The following MACROD2 variants were observed in gnomAD, a reference collection of about 807,000 sequenced individuals.
The protein encoded by MACROD2 is ADP-ribose glycohydrolase MACROD2.
MACROD2 carries 36 observed loss-of-function variants against 70.4 expected under a neutral mutation model. The ratio of observed to expected loss-of-function variants is 0.51; its 90% confidence interval spans 0.39 to 0.68. MACROD2 has a LOEUF of 0.68. Among genes scored for constraint, MACROD2 ranks in the 30% least tolerant of loss-of-function variants. The pLI is 0.00. For missense variants in MACROD2, 496 were observed against 538.4 expected (o/e 0.92, Z 0.78); for synonymous variants, 172 against 178.8 (o/e 0.96, Z 0.30).
chr20:14,751,209 C>T (rs552310630), intron 5 of MACROD2, among the ~76,000 whole-genome samples: 17 of 152,230 alleles, frequency 1.1e-4, no homozygotes, highest in African/African-American at 4.1e-4. Flanking sequence ...CCAGCCCCAC[C>T]CTTGGCCTGT....
At chr20:14,504,665 G>T (rs1337678778) in intron 4 of MACROD2, among the ~76,000 whole-genome samples, 1 of 152,132 alleles carries the variant, frequency 6.6e-6, no homozygotes, top group Admixed American at 6.5e-5. Context: ...AGAATCAGTG[G>T]TGCTAAGCTA....
At position 14,023,048 on chromosome 20, in the gene MACROD2, A is replaced by G. The variant is rs148307146; in HGVS notation, c.163+20644A>G. Among the ~76,000 whole-genome samples the G allele has an allele frequency of 1.9e-3, 294 of 152,234 alleles. 9 individuals carry two copies. In the East Asian group the frequency reaches 0.05, roughly 26 times the overall value. ...AATGTAAAAGTCTTCCTATTTCTCCATGTCCTCTCCAGCATCTGTTGTTTC... is the reference window on the plus strand; with the variant it reads ...AATGTAAAAGTCTTCCTATTTCTCCGTGTCCTCTCCAGCATCTGTTGTTTC... On this transcript the variant is annotated intron_variant, in intron 2 of 17. Coordinates refer to ENST00000684519, the MANE Select transcript of MACROD2 (RefSeq NM_001351661.2).
chr20:14,437,059 C>T (rs2084064276), intron 3 of MACROD2, among the ~76,000 whole-genome samples: 1 of 152,038 alleles, frequency 6.6e-6, no homozygotes, highest in Non-Finnish European at 1.5e-5. Context: ...AAATTGTAGG[C>T]AGCTTAATAA....
At chr20:14,000,180 T>C (rs17812555) in intron 1 of MACROD2, among the ~76,000 whole-genome samples, 2,694 of 152,366 alleles carry the variant, frequency 0.018, 39 homozygotes, top group Non-Finnish European at 0.028. Flanking sequence ...CCTTTAGGAC[T>C]AGAATTTTAG....
At chr20:14,267,916 A>G (rs1178158846) in intron 3 of MACROD2, among the ~76,000 whole-genome samples, 1 of 152,044 alleles carries the variant, frequency 6.6e-6, no homozygotes, top group Non-Finnish European at 1.5e-5. Flanking sequence ...TTAAAGCCAG[A>G]AAAAAGAAAT....
rs186400643 is a variant in MACROD2, at chr20:14,452,308, G to A, written c.272-41171G>A. On this transcript the variant is annotated intron_variant, in intron 3 of 17. Transcript: ENST00000684519. ...TTTGTGTCCTTGAGTATTTATTTTG[G>A]AGATACATGACATAGAAACATCTTA... Among the ~76,000 whole-genome samples the A allele has an allele frequency of 5.6e-4, 85 of 151,918 alleles. 1 individual carries two copies. The Middle Eastern group carries it at 0.01, about 18-fold the overall frequency.
In MACROD2 at chr20:14,001,845, A is replaced by AACTC. The variant is rs1179548044; in HGVS notation, c.47-439_47-436dup. The stretch of plus-strand genomic sequence containing the variant: ...CTTTCAAACAACCAGATCTCACGAA[A>AACTC]ACTCACTATCTTGAGGCTAGCACCA... On this transcript the variant is annotated intron_variant, in intron 1 of 17. Coordinates refer to ENST00000684519, the MANE Select transcript of MACROD2 (RefSeq NM_001351661.2). Among the ~76,000 whole-genome samples, 6 of 152,258 alleles carry AACTC rather than the reference A, an allele frequency of 3.9e-5. No homozygotes were observed. In the East Asian group the frequency reaches 1.2e-3, roughly 29 times the overall value.
intron 5 of MACROD2, among the ~76,000 whole-genome samples, chr20:15,146,332 G>A (rs1601137948): frequency 6.6e-6 from 1 of 152,192 alleles, no homozygotes; most frequent in Non-Finnish European, 1.5e-5. Flanking sequence ...TGAGTGTTCT[G>A]ATCCTTATTT....
intron 2 of MACROD2, among the ~76,000 whole-genome samples, chr20:14,072,811 A>G (rs1219095955): frequency 6.6e-6 from 1 of 151,842 alleles, no homozygotes; most frequent in African/African-American, 2.4e-5. Context: ...GCGGACGCCT[A>G]TAGTCCCATC....
chr20:14,909,112 G>C (rs1052262187), intron 5 of MACROD2, among the ~76,000 whole-genome samples: 1 of 152,152 alleles, frequency 6.6e-6, no homozygotes, highest in African/African-American at 2.4e-5. Context: ...AGATCTTAGT[G>C]GTGAAAGAGC....
At chr20:14,271,626 G>A (rs920023203) in intron 3 of MACROD2, among the ~76,000 whole-genome samples, 1 of 152,190 alleles carries the variant, frequency 6.6e-6, no homozygotes, top group Non-Finnish European at 1.5e-5. Context: ...CACCAGCAAC[G>A]GAACAAAGCT....
intron 3 of MACROD2, among the ~76,000 whole-genome samples, chr20:14,150,896 G>A (rs1318514534): frequency 6.6e-6 from 1 of 152,170 alleles, no homozygotes; most frequent in Non-Finnish European, 1.5e-5. Flanking sequence ...GGCAAGGATT[G>A]GGGGTTACAT....
chr20:14,267,286 C>T (rs998159752), intron 3 of MACROD2, among the ~76,000 whole-genome samples: 1 of 152,164 alleles, frequency 6.6e-6, no homozygotes, highest in African/African-American at 2.4e-5. Context: ...AAGACTACAA[C>T]AGTGCTGCAA....
At chr20:15,889,957 C>T (rs923754964) in intron 10 of MACROD2, among the ~76,000 whole-genome samples, 11 of 152,060 alleles carry the variant, frequency 7.2e-5, no homozygotes, top group African/African-American at 2.7e-4. Context: ...TTCACTCCCT[C>T]AGGCCAAGAG....
intron 6 of MACROD2, among the ~76,000 whole-genome samples, chr20:15,428,940 C>T (rs987487814): frequency 6.6e-6 from 1 of 152,002 alleles, no homozygotes; most frequent in African/African-American, 2.4e-5. Flanking sequence ...ATGATGCTCA[C>T]ATGTTCAGTT....
intron 3 of MACROD2, among the ~76,000 whole-genome samples, chr20:14,422,873 A>C (rs2083890734): frequency 6.6e-6 from 1 of 152,224 alleles, no homozygotes; most frequent in Non-Finnish European, 1.5e-5. Flanking sequence ...ATCTATTTAT[A>C]TGGCTTGAAG....
intron 2 of MACROD2, among the ~76,000 whole-genome samples, chr20:14,070,540 T>G (rs973316764): frequency 2.6e-5 from 4 of 152,246 alleles, no homozygotes; most frequent in African/African-American, 9.6e-5. Flanking sequence ...CATTTTTACA[T>G]TAATTTCTAT....
chr20:15,735,918 A>G (rs906179922), intron 8 of MACROD2, among the ~76,000 whole-genome samples: 1 of 152,194 alleles, frequency 6.6e-6, no homozygotes, highest in Non-Finnish European at 1.5e-5. Flanking sequence ...AATGTAACAT[A>G]TCTTTATTGA....
intron 5 of MACROD2, among the ~76,000 whole-genome samples, chr20:15,185,677 T>C (rs2076530021): frequency 1.3e-5 from 2 of 152,208 alleles, no homozygotes; most frequent in South Asian, 2.1e-4. Flanking sequence ...TTAACTAGGC[T>C]GTCCCTTCTT....
Sources: allele counts gnomAD v4.1 joint callset (sites outside exome capture counted in the v4.1 genomes callset), GRCh38; gene constraint gnomAD v4.1.1; transcripts MANE v1.5; gene names NCBI Gene and HGNC (gene_info 2026-07-23, HGNC 2026-07-21).